The following HS3ST2 variants were observed in gnomAD, a reference collection of about 807,000 sequenced individuals.
HS3ST2 encodes heparan sulfate-glucosamine 3-sulfotransferase 2, also known as heparan sulfate glucosamine 3-O-sulfotransferase 2.
In HS3ST2, 17 loss-of-function variants were observed where a neutral mutation model predicts 26.3. That is an observed-to-expected ratio of 0.65 (90% CI 0.44 to 0.97). HS3ST2 has a LOEUF of 0.97. Among genes scored for constraint, HS3ST2 ranks in the 50% least tolerant of loss-of-function variants. The probability of loss-of-function intolerance (pLI) is 0.00; values close to 1 mark genes in which losing one functional copy is unlikely to be tolerated. For synonymous variants in HS3ST2, 237 were observed against 219.2 expected (o/e 1.08, Z -0.72); for missense variants, 402 against 501.2 (o/e 0.80, Z 1.89).
At chr16:22,824,364 A>G (rs1212602234) in intron 1 of HS3ST2, among the ~76,000 whole-genome samples, 1 of 152,084 alleles carries the variant, frequency 6.6e-6, no homozygotes, top group African/African-American at 2.4e-5. Flanking sequence ...TGGTTAACAG[A>G]GTGAAACCCT....
At chr16:22,899,079 A>C (rs750063341) in intron 1 of HS3ST2, among the ~76,000 whole-genome samples, 2 of 152,220 alleles carry the variant, frequency 1.3e-5, no homozygotes, top group Non-Finnish European at 1.5e-5. Context: ...TACCCCCGGG[A>C]GACTGAAGTG....
chr16:22,875,402 A>C (rs536831776), intron 1 of HS3ST2, among the ~76,000 whole-genome samples: 10 of 152,238 alleles, frequency 6.6e-5, no homozygotes, highest in Admixed American at 2.0e-4. Context: ...TTATTTAGAG[A>C]TAGAGTCTCG....
chr16:22,863,441 T>A (rs953032888), intron 1 of HS3ST2, among the ~76,000 whole-genome samples: 2 of 152,200 alleles, frequency 1.3e-5, no homozygotes, highest in Non-Finnish European at 2.9e-5. Flanking sequence ...TAATTTTAAC[T>A]TTTATTTTAG....
At chr16:22,845,692 C>T (rs1317715280) in intron 1 of HS3ST2, among the ~76,000 whole-genome samples, 1 of 152,144 alleles carries the variant, frequency 6.6e-6, no homozygotes, top group African/African-American at 2.4e-5. Context: ...ATACAAAAAT[C>T]CATGTTAGGT....
chr16:22,895,553 G>A (rs1436173020), intron 1 of HS3ST2, among the ~76,000 whole-genome samples: 1 of 151,956 alleles, frequency 6.6e-6, no homozygotes, highest in African/African-American at 2.4e-5. Context: ...CATATAAAAT[G>A]TTCCTGCCTC....
chr16:22,843,459 G>C (rs1267725975), intron 1 of HS3ST2, among the ~76,000 whole-genome samples: 1 of 152,190 alleles, frequency 6.6e-6, no homozygotes, highest in South Asian at 2.1e-4. Context: ...AGTTTGACTG[G>C]CTTCAAGTTG....
chr16:22,879,477 G>A (rs1395048518), intron 1 of HS3ST2, among the ~76,000 whole-genome samples: 3 of 152,198 alleles, frequency 2.0e-5, no homozygotes, highest in Non-Finnish European at 4.4e-5. Flanking sequence ...TAAAGGCAGA[G>A]GGTGGATGGG....
At chr16:22,837,943 T>G (rs1220361883) in intron 1 of HS3ST2, among the ~76,000 whole-genome samples, 1 of 152,098 alleles carries the variant, frequency 6.6e-6, no homozygotes, top group Non-Finnish European at 1.5e-5. Context: ...TTTACATTCA[T>G]CTACTGTTTG....
intron 1 of HS3ST2, among the ~76,000 whole-genome samples, chr16:22,882,921 C>T (rs1359280185): frequency 6.6e-6 from 1 of 151,372 alleles, no homozygotes; most frequent in East Asian, 1.9e-4. Flanking sequence ...GTCCCAGCTA[C>T]TTGAGAGGCT....
chr16:22,814,669 T>C lies in HS3ST2; in HGVS notation c.59T>C (p.Leu20Pro). ...CCTCAGCCGCGGAGGGCGCGCAGGC[T>C]GCTCTTCGCCTTCACGCTCTCGCTC... is the stretch of plus-strand genomic sequence containing the variant. Reference protein sequence around the residue: ...GPPQPRRARRLLFAFTLSLSC... With the variant: ...GPPQPRRARRPLFAFTLSLSC... The change falls in exon 1 of 2, where the codon CTG becomes CCG. Residue 20 changes from leucine to proline, a missense_variant. Around this residue, in one of 2 missense-constraint regions of HS3ST2, gnomAD observed 165 missense variants for 154.6 expected, o/e 1.07. Coordinates refer to ENST00000261374, the MANE Select transcript of HS3ST2 (RefSeq NM_006043.2). 1.3e-6 allele frequency: 2 copies of C among 1,585,482 alleles called. No homozygotes were observed. Among genetic ancestry groups the C allele is most frequent in the African/African-American group, 1.3e-5 (1 of 74,264 alleles).
intron 1 of HS3ST2, among the ~76,000 whole-genome samples, chr16:22,869,118 C>T (rs1164522770): frequency 6.6e-6 from 1 of 151,682 alleles, no homozygotes; most frequent in Non-Finnish European, 1.5e-5. Context: ...TGGAACAGCC[C>T]GGAAGCCTAG....
At position 22,867,068 on chromosome 16, in the gene HS3ST2, G is replaced by A. The variant is rs547853322; in HGVS notation, c.486-47876G>A. On this transcript the variant is annotated intron_variant, in intron 1 of 1. Coordinates refer to ENST00000261374, the MANE Select transcript of HS3ST2 (RefSeq NM_006043.2). ...TATTATTTTAAAACATAAGTTTATA[G>A]TAATTAAAAGTATAGTACTGCTGTG... Among the ~76,000 whole-genome samples the A allele has an allele frequency of 1.7e-4, 26 of 152,278 alleles. 1 individual carries two copies. The highest frequency in any genetic ancestry group is 2.4e-4 in the Non-Finnish European group (16 of 68,032).
intron 1 of HS3ST2, among the ~76,000 whole-genome samples, chr16:22,848,463 G>C (rs1269176469): frequency 6.6e-6 from 1 of 152,188 alleles, no homozygotes; most frequent in Non-Finnish European, 1.5e-5. Context: ...ATGTTCACCA[G>C]AGACTGGAGC....
intron 1 of HS3ST2, among the ~76,000 whole-genome samples, chr16:22,881,701 T>C (rs1005388279): frequency 1.3e-4 from 20 of 152,178 alleles, no homozygotes; most frequent in Admixed American, 4.6e-4. Context: ...AGAAGACTCT[T>C]CACAGCATCT....
At chr16:22,816,389 TA>T (rs1900869215) in intron 1 of HS3ST2, among the ~76,000 whole-genome samples, 1 of 152,204 alleles carries the variant, frequency 6.6e-6, no homozygotes, top group African/African-American at 2.4e-5. Context: ...GGGCTTATAA[TA>T]GAGGGCCCTG....
At chr16:22,847,723 G>A (rs1413002989) in intron 1 of HS3ST2, among the ~76,000 whole-genome samples, 2 of 151,478 alleles carry the variant, frequency 1.3e-5, no homozygotes, top group African/African-American at 4.9e-5. Flanking sequence ...AGAGTCAGGA[G>A]TACGATTAAC....
chr16:22,859,077 G>C (rs186878055), intron 1 of HS3ST2, among the ~76,000 whole-genome samples: 3 of 152,100 alleles, frequency 2.0e-5, no homozygotes, highest in Non-Finnish European at 4.4e-5. Context: ...GAGGTGGGAG[G>C]ATCCCTTAAG....
chr16:22,914,891 A>T, intron 1 of HS3ST2, 53 bp from the exon 2 acceptor site: 4 of 1,543,456 alleles, frequency 2.6e-6, no homozygotes, highest in Non-Finnish European at 3.5e-6. Flanking sequence ...GCTGGGCCTG[A>T]GGCCTGGCCC....
intron 1 of HS3ST2, among the ~76,000 whole-genome samples, chr16:22,878,099 G>A (rs760985911): frequency 3.3e-5 from 5 of 152,184 alleles, no homozygotes; most frequent in African/African-American, 4.8e-5. Flanking sequence ...GAGTGTCTAA[G>A]ATAACAACTA....
Sources: gnomAD v4.1 joint callset for allele counts (sites outside exome capture counted in the v4.1 genomes callset) on GRCh38, gnomAD v4.1.1 for gene constraint, gnomAD v4.1.1 regional missense constraint, MANE v1.5 for transcripts, NCBI Gene and HGNC (gene_info 2026-07-23, HGNC 2026-07-21) for gene names.